Variants in C1orf87 observed in about 807,000 individuals in gnomAD.
C1orf87 encodes chromosome 1 open reading frame 87.
Under a neutral mutation model 60.5 loss-of-function variants are expected in C1orf87, and 58 were observed. The ratio of observed to expected loss-of-function variants is 0.96; its 90% CI spans 0.78 to 1.19. The LOEUF (loss-of-function observed/expected upper bound fraction) is 1.19. Among genes scored for constraint, C1orf87 ranks in the 50% most tolerant of loss-of-function variants. C1orf87 has a pLI of 0.00. For missense variants in C1orf87, 673 were observed against 638.6 expected (o/e 1.05, Z -0.58); for synonymous variants, 236 against 227.4 (o/e 1.04, Z -0.34).
intron 2 of C1orf87, among the ~76,000 whole-genome samples, chr1:60,070,636 A>G (rs1645578212): frequency 6.6e-6 from 1 of 152,220 alleles, no homozygotes; most frequent in African/African-American, 2.4e-5. Context: ...TGAAGTCTAT[A>G]GGAAACACAA....
intron 8 of C1orf87, among the ~76,000 whole-genome samples, chr1:60,021,638 C>T (rs548176381): frequency 1.8e-4 from 28 of 152,334 alleles, no homozygotes; most frequent in South Asian, 1.4e-3. Context: ...GTGCCAAGCA[C>T]TGCTCTAGAC....
At position 59,993,810 on chromosome 1, in the gene C1orf87, G is replaced by A. The variant is rs1168202724; in HGVS notation, c.1481-2977C>T. ...TTTTGCTCTTGTTGCCCAGGCTGGA[G>A]TGCAGTGGCATGATCCCGGTTCACT... On this transcript the variant is annotated intron_variant, in intron 11 of 11. Coordinates refer to ENST00000371201, the MANE Select transcript of C1orf87 (RefSeq NM_152377.3). Among the ~76,000 whole-genome samples, 3 of 147,260 alleles carry A rather than the reference G, an allele frequency of 2.0e-5. No individual in the cohort carries two copies. The Admixed American group carries it at 2.1e-4, about 10-fold the overall frequency.
At chr1:60,045,511 A>C (rs1418356054) in intron 3 of C1orf87, among the ~76,000 whole-genome samples, 1 of 152,204 alleles carries the variant, frequency 6.6e-6, no homozygotes, top group Non-Finnish European at 1.5e-5. Flanking sequence ...GCACATGTGG[A>C]GATAATAGCA....
At chr1:60,002,896 T>G (rs1454817462) in intron 9 of C1orf87, among the ~76,000 whole-genome samples, 1 of 150,556 alleles carries the variant, frequency 6.6e-6, no homozygotes, top group African/African-American at 2.4e-5. Flanking sequence ...GTTCAACCAT[T>G]GTGGAAGTCA....
At chr1:60,036,811 A>C (rs999738260) in intron 6 of C1orf87, among the ~76,000 whole-genome samples, 1 of 152,068 alleles carries the variant, frequency 6.6e-6, no homozygotes, top group Non-Finnish European at 1.5e-5. Flanking sequence ...TTTTATTTTG[A>C]GTAATTTCTC....
intron 7 of C1orf87, 119 bp from the exon 8 acceptor site, chr1:60,025,617 G>GGT: frequency 5.3e-6 from 4 of 748,622 alleles, no homozygotes; most frequent in Non-Finnish European, 8.2e-6. Context: ...TTTTGACAAA[G>GGT]AATTAATACC....
At chr1:60,040,838 C>T (rs1304679070) in intron 4 of C1orf87, among the ~76,000 whole-genome samples, 153 bp downstream of exon 4, 1 of 151,422 alleles carries the variant, frequency 6.6e-6, no homozygotes, top group African/African-American at 2.4e-5. Flanking sequence ...AGTGATCCTC[C>T]CAGCTTGGCT....
intron 2 of C1orf87, among the ~76,000 whole-genome samples, chr1:60,061,679 C>T (rs528991982): frequency 9.6e-5 from 14 of 146,292 alleles, no homozygotes; most frequent in Non-Finnish European, 1.8e-4. Context: ...GTGGCTCACA[C>T]GTATAATCTC....
chr1:60,033,092 C>T (rs551259525), intron 7 of C1orf87, among the ~76,000 whole-genome samples: 17 of 152,284 alleles, frequency 1.1e-4, no homozygotes, highest in Admixed American at 5.2e-4. Flanking sequence ...TAAATTACAT[C>T]GGTCCCTAAA....
intron 7 of C1orf87, among the ~76,000 whole-genome samples, chr1:60,027,510 A>G (rs1332215732): frequency 1.3e-5 from 2 of 152,206 alleles, no homozygotes; most frequent in Non-Finnish European, 2.9e-5. Context: ...CTTAGCAACC[A>G]TGAGAAACAG....
intron 3 of C1orf87, among the ~76,000 whole-genome samples, chr1:60,043,689 T>C (rs1401029071): frequency 6.6e-6 from 1 of 152,156 alleles, no homozygotes; most frequent in Non-Finnish European, 1.5e-5. Context: ...CTTTAAAATA[T>C]TTGGCTAGGT....
intron 3 of C1orf87, among the ~76,000 whole-genome samples, chr1:60,047,813 T>G (rs1314400464): frequency 1.3e-5 from 2 of 151,814 alleles, no homozygotes. Flanking sequence ...AATAACAGTA[T>G]CAACATAATG....
chr1:59,998,440 C>A (rs921352622), intron 10 of C1orf87, among the ~76,000 whole-genome samples: 1 of 129,790 alleles, frequency 7.7e-6, no homozygotes, highest in Non-Finnish European at 1.6e-5. Context: ...AATTCATTGC[C>A]AGTATAAAAT....
At chr1:60,030,395 C>T (rs1224152293) in intron 7 of C1orf87, among the ~76,000 whole-genome samples, 1 of 152,168 alleles carries the variant, frequency 6.6e-6, no homozygotes, top group Non-Finnish European at 1.5e-5. Flanking sequence ...TCTTACAGTC[C>T]TGGTCCACTT....
rs200022558 is a variant in C1orf87 at position 60,001,112 on chromosome 1, C to G, written c.1237G>C (p.Val413Leu). The G allele has an allele frequency of 5.6e-6, 9 of 1,605,828 alleles. No homozygotes were observed. Among genetic ancestry groups the G allele is most frequent in the Non-Finnish European group, 7.7e-6 (9 of 1,176,154 alleles). The change falls in exon 10 of 12, where the codon GTC becomes CTC. Residue 413 changes from valine to leucine, a missense_variant. Physicochemically the swap from Val to Leu is conservative, Grantham distance 32. Coordinates refer to ENST00000371201, the MANE Select transcript of C1orf87 (RefSeq NM_152377.3). ...GTTTTGCTTTGAGACATCTCGGGGA[C>G]TTCAGGCTCCATTGGAGGGGCAGGG... ...KAPAPPMEPE[V>L]PEMSQSKTEH...
At chr1:60,033,051 T>C (rs1645250305) in intron 7 of C1orf87, among the ~76,000 whole-genome samples, 1 of 152,198 alleles carries the variant, frequency 6.6e-6, no homozygotes, top group African/African-American at 2.4e-5. Context: ...TAATTAATGC[T>C]CCAAAACAGC....
intron 2 of C1orf87, among the ~76,000 whole-genome samples, chr1:60,070,248 C>A (rs983152267): frequency 6.6e-6 from 1 of 152,206 alleles, no homozygotes; most frequent in Non-Finnish European, 1.5e-5. Context: ...CAACACATGT[C>A]TTGCAGGAAA....
chr1:60,046,160 C>A (rs925389543), intron 3 of C1orf87, among the ~76,000 whole-genome samples: 1 of 144,586 alleles, frequency 6.9e-6, no homozygotes, highest in Admixed American at 7.0e-5. Context: ...TCTTTCCTTC[C>A]TCTCCTTGCT....
Position 60,040,155 on chromosome 1 carries a change from G to A in C1orf87, c.509C>T (p.Thr170Ile). ...PEDIGQSPSG[T>I]TNEDAFLLAL... ...AAGAAGAAAAGCGTCTTCATTTGTT[G>A]TCCCACTTGGGCTCTGGCCAATATC... The change falls in exon 5 of 12, where the codon ACA (threonine) becomes ATA (isoleucine). Residue 170 changes from threonine to isoleucine, a missense_variant. By Grantham distance (89) the Thr-to-Ile change is moderately conservative. Coordinates refer to ENST00000371201, the MANE Select transcript of C1orf87 (RefSeq NM_152377.3). 2 of 1,613,772 alleles carry A rather than the reference G, an allele frequency of 1.2e-6. No homozygotes were observed. The highest frequency in any genetic ancestry group is 1.7e-6 in the Non-Finnish European group (2 of 1,179,936).
Sources: allele counts gnomAD v4.1 joint callset (sites outside exome capture counted in the v4.1 genomes callset), GRCh38; gene constraint gnomAD v4.1.1; transcripts MANE v1.5; gene names NCBI Gene and HGNC (gene_info 2026-07-23, HGNC 2026-07-21).